Variants in AXDND1 observed in about 807,000 individuals in gnomAD.
AXDND1 encodes the protein axonemal dynein light chain domain-containing protein 1.
A neutral mutation model predicts 137.5 loss-of-function variants in AXDND1; 110 were observed. That is an observed-to-expected ratio of 0.80 (90% CI 0.69 to 0.94). AXDND1 has a LOEUF of 0.94. AXDND1 is among the 40% of genes least tolerant of loss of function. The pLI is 0.00. For missense variants in AXDND1, 1,191 were observed against 1,169.8 expected, an observed-to-expected ratio of 1.02 and a Z score of -0.26; for synonymous variants, 414 against 399.7, an observed-to-expected ratio of 1.04 and a Z score of -0.43.
At chr1:179,499,882 A>G (rs1402923692) in intron 20 of AXDND1, among the ~76,000 whole-genome samples, 3 of 152,156 alleles carry the variant, frequency 2.0e-5, no homozygotes, top group Non-Finnish European at 4.4e-5. Context: ...AAGACTTGCG[A>G]ATAAATTAAA....
chr1:179,411,334 T>C, intron 12 of AXDND1, 68 bp downstream of exon 12: 1 of 1,505,684 alleles, frequency 6.6e-7, no homozygotes, highest in African/African-American at 1.7e-5. Context: ...AGTTTTAAAA[T>C]TTGTTTTTTT....
chr1:179,538,018 T>C (rs1671727563), intron 25 of AXDND1, among the ~76,000 whole-genome samples: 1 of 152,216 alleles, frequency 6.6e-6, no homozygotes, highest in Non-Finnish European at 1.5e-5. Context: ...AGTTTGTATT[T>C]CTGTGGGATC....
At chr1:179,462,630 C>T (rs1167674091) in intron 16 of AXDND1, among the ~76,000 whole-genome samples, 1 of 152,168 alleles carries the variant, frequency 6.6e-6, no homozygotes, top group Non-Finnish European at 1.5e-5. Flanking sequence ...GGTACCAGCT[C>T]CTCTTTGTAC....
At chr1:179,386,870 G>A (rs1649306844) in intron 9 of AXDND1, among the ~76,000 whole-genome samples, 1 of 151,836 alleles carries the variant, frequency 6.6e-6, no homozygotes, top group East Asian at 1.9e-4. Flanking sequence ...GGCTACAAGT[G>A]TGTGCCACCA....
At chr1:179,527,444 A>G (rs186151377) in intron 22 of AXDND1, among the ~76,000 whole-genome samples, 1 of 152,284 alleles carries the variant, frequency 6.6e-6, no homozygotes, top group Admixed American at 6.5e-5. Context: ...AGTGGGTTTT[A>G]GCCTCATTGT....
chr1:179,432,116 A>G, intron 14 of AXDND1, 151 bp from the exon 15 acceptor site: 1 of 991,104 alleles, frequency 1.0e-6, no homozygotes, highest in Non-Finnish European at 1.4e-6. Flanking sequence ...TTAATGATAA[A>G]TACCTGTGGG....
In AXDND1 at chr1:179,546,922, G is replaced by T. The variant is rs1442606670; in HGVS notation, c.3032-7590G>T. Among the ~76,000 whole-genome samples, 4 of 152,138 alleles carry T rather than the reference G, an allele frequency of 2.6e-5. No individual in the cohort carries two copies. In the East Asian group the frequency reaches 7.7e-4, roughly 29 times the overall value. ...GTCTCACTGACTTGACTATGGTCAG[G>T]TCACTTGTCTGCTACCTTGTAGCAT... On this transcript the variant is annotated intron_variant, in intron 25 of 25. Coordinates refer to ENST00000367618, the MANE Select transcript of AXDND1 (RefSeq NM_144696.6).
chr1:179,382,055 A>G (rs1648441488), intron 6 of AXDND1, among the ~76,000 whole-genome samples: 1 of 147,968 alleles, frequency 6.8e-6, no homozygotes, highest in African/African-American at 2.5e-5. Context: ...GATTATAGGC[A>G]TGAGCCACCA....
chr1:179,428,417 C>T (rs1656888447), intron 12 of AXDND1, among the ~76,000 whole-genome samples: 1 of 152,212 alleles, frequency 6.6e-6, no homozygotes, highest in South Asian at 2.1e-4. Context: ...AAAATAAGAA[C>T]TTTATCTCTT....
Position 179,534,875 on chromosome 1 carries a change from G to C in AXDND1, c.2944G>C (p.Asp982His). ...KESKEEKENQ[D>H]EREVKEEEEQ... ...GTCTAAAGAAGAGAAAGAAAATCAAGATGAAAGAGAAGTAAAAGAAGAAGA... is the reference window on the plus strand; with the variant it reads ...GTCTAAAGAAGAGAAAGAAAATCAACATGAAAGAGAAGTAAAAGAAGAAGA... Residue 982 changes from aspartate (D) to histidine (H), a missense_variant, in exon 25 of 26, where the codon GAT (aspartate) becomes CAT (histidine). Asp to His is a moderately conservative substitution (Grantham distance 81, BLOSUM62 -1). Coordinates refer to ENST00000367618, the MANE Select transcript of AXDND1 (RefSeq NM_144696.6). 1 of 1,606,586 alleles carries C rather than the reference G, an allele frequency of 6.2e-7. No individual in the cohort carries two copies. Among genetic ancestry groups the C allele is most frequent in the Non-Finnish European group, 8.5e-7 (1 of 1,177,506 alleles).
At chr1:179,518,256 A>G (rs939347363) in intron 21 of AXDND1, among the ~76,000 whole-genome samples, 3 of 152,182 alleles carry the variant, frequency 2.0e-5, no homozygotes, top group Non-Finnish European at 2.9e-5. Context: ...TATTTCCAAC[A>G]TTTAAAAACA....
intron 25 of AXDND1, chr1:179,550,839 G>A (rs1217413453): frequency 2.7e-6 from 1 of 374,024 alleles, no homozygotes; most frequent in Non-Finnish European, 5.1e-6. Flanking sequence ...AGGGGTCAGA[G>A]GACATACAGT....
intron 18 of AXDND1, among the ~76,000 whole-genome samples, chr1:179,489,657 A>G (rs1458279027): frequency 6.6e-6 from 1 of 152,140 alleles, no homozygotes; most frequent in Non-Finnish European, 1.5e-5. Context: ...ACATTAATCA[A>G]CGTTGCTTTA....
intron 18 of AXDND1, among the ~76,000 whole-genome samples, chr1:179,488,063 T>C (rs1666291333): frequency 7.6e-6 from 1 of 130,950 alleles, no homozygotes; most frequent in African/African-American, 3.0e-5. Context: ...TTTTTTTAAA[T>C]TAACTAGTAA....
intron 17 of AXDND1, among the ~76,000 whole-genome samples, chr1:179,475,780 G>C (rs1339479671): frequency 6.6e-6 from 1 of 152,172 alleles, no homozygotes; most frequent in Non-Finnish European, 1.5e-5. Context: ...AATTATATGA[G>C]ATTTGGAAAG....
At chr1:179,415,798 G>A (rs577576682) in intron 12 of AXDND1, among the ~76,000 whole-genome samples, 13 of 151,864 alleles carry the variant, frequency 8.6e-5, no homozygotes, top group Non-Finnish European at 1.9e-4. Flanking sequence ...TCCACCTCCC[G>A]GGTTCGTGCC....
Position 179,378,732 on chromosome 1 carries a change from A to C in AXDND1, c.470A>C (p.His157Pro). 1 of 1,581,128 alleles carries C rather than the reference A, an allele frequency of 6.3e-7. No homozygotes were observed. The change falls in exon 5 of 26, where the codon CAT becomes CCT. Residue 157 changes from histidine to proline, a missense_variant. Physicochemically the swap from His to Pro is moderately conservative, Grantham distance 77. Coordinates refer to ENST00000367618, the MANE Select transcript of AXDND1 (RefSeq NM_144696.6). ...PPHLARSLQS[H>P]DGVIVPHKPK... Reference sequence around the variant, plus strand: ...CATTTGGCCCGTTCATTACAGTCACATGATGGTGTCATTGTGCCCCATAAG... The same window carrying C: ...CATTTGGCCCGTTCATTACAGTCACCTGATGGTGTCATTGTGCCCCATAAG...
chr1:179,491,985 T>C (rs1337886966), intron 19 of AXDND1, among the ~76,000 whole-genome samples: 1 of 152,188 alleles, frequency 6.6e-6, no homozygotes, highest in Non-Finnish European at 1.5e-5. Context: ...AAAAAAGGAC[T>C]CACTTTCTTG....
intron 4 of AXDND1, among the ~76,000 whole-genome samples, chr1:179,376,848 A>G (rs953635198): frequency 2.0e-5 from 3 of 152,204 alleles, no homozygotes; most frequent in East Asian, 3.8e-4. Context: ...AATATGGTTA[A>G]TAAATATTTG....
Sources: allele counts gnomAD v4.1 joint callset (sites outside exome capture counted in the v4.1 genomes callset), GRCh38; gene constraint gnomAD v4.1.1; transcripts MANE v1.5; gene names NCBI Gene and HGNC (gene_info 2026-07-23, HGNC 2026-07-21).